TRIM44: variants seen among roughly 807,000 people sequenced by gnomAD.
The protein encoded by TRIM44 is tripartite motif containing 44, also known as tripartite motif-containing protein 44.
Under a neutral mutation model 37.4 loss-of-function variants are expected in TRIM44, and 13 were observed. That is an observed-to-expected ratio of 0.35 (90% CI 0.23 to 0.55). The LOEUF (loss-of-function observed/expected upper bound fraction) is 0.55, where lower values mean the gene tolerates loss of function less well. Ranked by LOEUF, TRIM44 falls within the 20% of genes least tolerant of loss-of-function variation. The pLI, the probability that TRIM44 is intolerant of heterozygous loss-of-function variation, is 0.89. For missense variants in TRIM44, 426 were observed against 437.2 expected (o/e 0.97, Z 0.23); for synonymous variants, 175 against 157.2 (o/e 1.11, Z -0.85).
At chr11:35,730,919 G>A (rs923657972) in intron 3 of TRIM44, among the ~76,000 whole-genome samples, 7 of 146,342 alleles carry the variant, frequency 4.8e-5, no homozygotes, top group Admixed American at 2.1e-4. Context: ...GCGTGATCTC[G>A]GCTCACTGCA....
intron 4 of TRIM44, among the ~76,000 whole-genome samples, chr11:35,764,520 T>A (rs1373440438): frequency 1.3e-5 from 2 of 152,178 alleles, no homozygotes; most frequent in Non-Finnish European, 1.5e-5. Flanking sequence ...AAGTAGTACC[T>A]TGATCACAGT....
chr11:35,681,999 C>T (rs1281850840), intron 1 of TRIM44, among the ~76,000 whole-genome samples: 1 of 147,094 alleles, frequency 6.8e-6, no homozygotes, highest in South Asian at 2.2e-4. Flanking sequence ...CGCTCTGTCA[C>T]CCAGGCTGGA....
chr11:35,681,349 T>C (rs1035726595), intron 1 of TRIM44, among the ~76,000 whole-genome samples: 6 of 152,192 alleles, frequency 3.9e-5, no homozygotes, highest in African/African-American at 1.4e-4. Context: ...CAGCATTTTG[T>C]CCTTTGGTTT....
chr11:35,797,582 G>A (rs1355940145), intron 4 of TRIM44, among the ~76,000 whole-genome samples: 2 of 152,294 alleles, frequency 1.3e-5, no homozygotes, highest in Middle Eastern at 3.4e-3. Context: ...CCCTTGATAT[G>A]ATGTAATGAT....
chr11:35,689,844 T>G (rs1271338030), intron 2 of TRIM44, among the ~76,000 whole-genome samples: 1 of 152,226 alleles, frequency 6.6e-6, no homozygotes, highest in African/African-American at 2.4e-5. Context: ...AAGTACAACA[T>G]GCTAAGCTCA....
chr11:35,714,330 G>A (rs955419324), intron 2 of TRIM44, among the ~76,000 whole-genome samples: 2 of 152,112 alleles, frequency 1.3e-5, no homozygotes, highest in African/African-American at 4.8e-5. Flanking sequence ...ATATCTATGA[G>A]AATGTTATTA....
chr11:35,796,383 T>G (rs985540934), intron 4 of TRIM44, among the ~76,000 whole-genome samples: 2 of 152,236 alleles, frequency 1.3e-5, no homozygotes. Flanking sequence ...CTTTGGTAAC[T>G]TGTGAGATAC....
At chr11:35,715,674 T>C (rs548641794) in intron 2 of TRIM44, among the ~76,000 whole-genome samples, 1 of 152,166 alleles carries the variant, frequency 6.6e-6, no homozygotes, top group East Asian at 1.9e-4. Context: ...ATTCTTGCAT[T>C]GGTATAAAGA....
intron 4 of TRIM44, among the ~76,000 whole-genome samples, chr11:35,755,712 T>C (rs1345246796): frequency 6.6e-6 from 1 of 152,156 alleles, no homozygotes; most frequent in Non-Finnish European, 1.5e-5. Flanking sequence ...CAGTTTCAGC[T>C]TTCTACATAT....
chr11:35,771,449 C>A (rs190687121), intron 4 of TRIM44, among the ~76,000 whole-genome samples: 1 of 152,112 alleles, frequency 6.6e-6, no homozygotes, highest in East Asian at 1.9e-4. Flanking sequence ...GTTTTGGATG[C>A]GCACGGTGGC....
intron 3 of TRIM44, 131 bp downstream of exon 3, chr11:35,726,294 G>T (rs1852174420): frequency 8.2e-7 from 1 of 1,224,802 alleles, no homozygotes; most frequent in Non-Finnish European, 1.1e-6. Context: ...GTTTCACATG[G>T]TGTATAAACC....
intron 2 of TRIM44, among the ~76,000 whole-genome samples, chr11:35,690,875 C>A (rs112418081): frequency 6.6e-6 from 1 of 152,150 alleles, no homozygotes; most frequent in South Asian, 2.1e-4. Context: ...GTGGTGGGAC[C>A]AGGGCTTAAC....
intron 4 of TRIM44, among the ~76,000 whole-genome samples, chr11:35,798,053 A>T (rs1372279968): frequency 1.3e-5 from 2 of 152,262 alleles, no homozygotes; most frequent in East Asian, 3.9e-4. Flanking sequence ...TTTTAGGGAG[A>T]CATGAGACTT....
chr11:35,756,753 A>G (rs940564079), intron 4 of TRIM44, among the ~76,000 whole-genome samples: 1 of 152,154 alleles, frequency 6.6e-6, no homozygotes, highest in Admixed American at 6.5e-5. Context: ...TTCTGCATCT[A>G]TTGAGATAAT....
At chr11:35,751,596 G>A (rs183794289) in intron 4 of TRIM44, among the ~76,000 whole-genome samples, 4 of 152,314 alleles carry the variant, frequency 2.6e-5, no homozygotes, top group Admixed American at 6.5e-5. Flanking sequence ...ATGATAGTAC[G>A]TAAGAAATAC....
At chr11:35,700,007 G>T (rs979911536) in intron 2 of TRIM44, among the ~76,000 whole-genome samples, 2 of 152,132 alleles carry the variant, frequency 1.3e-5, no homozygotes, top group African/African-American at 4.8e-5. Flanking sequence ...TCAATATCGT[G>T]AAAATGGCCA....
intron 2 of TRIM44, among the ~76,000 whole-genome samples, chr11:35,699,942 A>G (rs1330861171): frequency 6.6e-6 from 1 of 152,178 alleles, no homozygotes; most frequent in Non-Finnish European, 1.5e-5. Context: ...GCTCAGTGAA[A>G]TAAAAGAGGA....
At chr11:35,802,939 C>G (rs1029675808) in intron 4 of TRIM44, among the ~76,000 whole-genome samples, 2 of 152,108 alleles carry the variant, frequency 1.3e-5, no homozygotes, top group South Asian at 4.1e-4. Context: ...GCTGCCAGAG[C>G]TAGGAACATT....
At chr11:35,773,724 T>C (rs1224190256) in intron 4 of TRIM44, among the ~76,000 whole-genome samples, 16 of 152,210 alleles carry the variant, frequency 1.1e-4, no homozygotes, top group Non-Finnish European at 2.4e-4. Context: ...GTGCGGTGTT[T>C]GGTTTTCTGT....
Sources: allele counts gnomAD v4.1 joint callset (sites outside exome capture counted in the v4.1 genomes callset), GRCh38; gene constraint gnomAD v4.1.1; transcripts MANE v1.5; gene names NCBI Gene and HGNC (gene_info 2026-07-23, HGNC 2026-07-21).